NIBAN1: variants seen among roughly 807,000 people sequenced by gnomAD.
NIBAN1 encodes the protein niban apoptosis regulator 1.
Under a neutral mutation model 75.1 loss-of-function variants are expected in NIBAN1, and 81 were observed. The ratio of observed to expected loss-of-function variants is 1.08; its 90% confidence interval spans 0.90 to 1.30. NIBAN1 has a LOEUF of 1.30. Ranked by LOEUF, NIBAN1 falls within the 50% of genes most tolerant of loss-of-function variation. The pLI is 0.00. For missense variants in NIBAN1, 1,133 were observed against 1,128.1 expected (o/e 1.00, Z -0.06); for synonymous variants, 436 against 424.8 (o/e 1.03, Z -0.32).
intron 8 of NIBAN1, among the ~76,000 whole-genome samples, chr1:184,820,520 C>A (rs1654666680): frequency 6.6e-6 from 1 of 152,256 alleles, no homozygotes; most frequent in South Asian, 2.1e-4. Context: ...GGAACTCCCA[C>A]ACAGCTTCCT....
chr1:184,892,320 A>C (rs1656688813), intron 3 of NIBAN1, among the ~76,000 whole-genome samples: 1 of 152,168 alleles, frequency 6.6e-6, no homozygotes, highest in Non-Finnish European at 1.5e-5. Context: ...ACTGAGGCTC[A>C]AGATTTATAG....
At position 184,884,215 on chromosome 1, in the gene NIBAN1, C is replaced by CT. The variant is rs11334000; in HGVS notation, c.601+417dup. Among the ~76,000 whole-genome samples, 333 of 66,836 alleles carry CT rather than the reference C, an allele frequency of 5.0e-3. 17 individuals are homozygous for CT. The highest frequency in any genetic ancestry group is 6.4e-3 in the African/African-American group (88 of 13,778). 43.8% of individuals were successfully genotyped at this position (66,836 alleles called of 152,430 possible). ...TCCCTGGGCAGCACCATCTGTGGCT[C>CT]TTTTTTTTTTTTTTTTTTTTTTTTT... On this transcript the variant is annotated intron_variant, in intron 5 of 13. Transcript: ENST00000367511.
intron 5 of NIBAN1, among the ~76,000 whole-genome samples, chr1:184,865,261 T>C (rs1000389156): frequency 3.9e-5 from 6 of 152,128 alleles, no homozygotes; most frequent in Non-Finnish European, 8.8e-5. Flanking sequence ...ATATACACAA[T>C]GGGATACTAC....
intron 6 of NIBAN1, among the ~76,000 whole-genome samples, chr1:184,828,681 C>G (rs1654912994): frequency 6.6e-6 from 1 of 152,222 alleles, no homozygotes; most frequent in Non-Finnish European, 1.5e-5. Flanking sequence ...CTTCAGCCAA[C>G]TGCTCTGAAT....
intron 5 of NIBAN1, among the ~76,000 whole-genome samples, chr1:184,836,224 G>C (rs1483910946): frequency 1.3e-5 from 2 of 152,134 alleles, no homozygotes; most frequent in African/African-American, 4.8e-5. Context: ...GATGGAAACT[G>C]TAATTATTAC....
Position 184,882,390 on chromosome 1 carries a change from G to T in NIBAN1, c.601+2243C>A, listed in dbSNP as rs188176744. On this transcript the variant is annotated intron_variant, in intron 5 of 13. Coordinates refer to ENST00000367511, the MANE Select transcript of NIBAN1 (RefSeq NM_052966.4). Reference sequence around the variant, plus strand: ...AAAAGAGGCGAGAAAAGAAAGGTCTGCTCCTTGGCCCATGATAGTCAAGGA... The same window carrying T: ...AAAAGAGGCGAGAAAAGAAAGGTCTTCTCCTTGGCCCATGATAGTCAAGGA... Among the ~76,000 whole-genome samples the T allele has an allele frequency of 5.3e-5, 8 of 152,292 alleles. No individual in the cohort carries two copies. The East Asian group carries it at 1.5e-3, about 29-fold the overall frequency.
At chr1:184,930,226 C>T (rs548088933) in intron 1 of NIBAN1, among the ~76,000 whole-genome samples, 1 of 152,180 alleles carries the variant, frequency 6.6e-6, no homozygotes, top group Admixed American at 6.5e-5. Flanking sequence ...GGATAGGGTA[C>T]GACTCAAATC....
chr1:184,881,037 C>T (rs945373287), intron 5 of NIBAN1, among the ~76,000 whole-genome samples: 2 of 152,034 alleles, frequency 1.3e-5, no homozygotes, highest in Non-Finnish European at 2.9e-5. Context: ...CTTATGCCTG[C>T]CCAATGAAGA....
chr1:184,806,050 C>A lies in NIBAN1; in HGVS notation c.1342G>T (p.Glu448Ter), dbSNP rs760447281. 3 of 1,613,520 alleles carry A rather than the reference C, an allele frequency of 1.9e-6. No homozygotes were observed. The highest frequency in any genetic ancestry group is 2.5e-6 in the Non-Finnish European group (3 of 1,179,752). Reference sequence around the variant, plus strand: ...TGCTCAAAAGTGAACACTGCATTCTCCATTAGCTAGAAACCAGAAGCGACA... The same window carrying A: ...TGCTCAAAAGTGAACACTGCATTCTACATTAGCTAGAAACCAGAAGCGACA... ...RTQNYMQELM[E>*]NAVFTFEQLL... Residue 448 changes from glutamate to a stop codon, truncating the protein, a stop_gained, in exon 11 of 14, where the codon GAG (glutamate) becomes TAG (stop). Transcript: ENST00000367511. LOFTEE classifies it high-confidence loss of function.
In NIBAN1 at chr1:184,845,711, A is replaced by G. The variant is rs563269411; in HGVS notation, c.602-13749T>C. Among the ~76,000 whole-genome samples, 96 of 59,546 alleles carry G rather than the reference A, an allele frequency of 1.6e-3. 34 individuals carry two copies. The highest frequency in any genetic ancestry group is 1.9e-3 in the Non-Finnish European group (57 of 29,332). The allele number at this position is 59,546 out of a possible 152,430, so 39.1% of individuals were successfully genotyped here. On this transcript the variant is annotated intron_variant, in intron 5 of 13. Transcript: ENST00000367511. The stretch of plus-strand genomic sequence containing the variant: ...TGATTTCTGCATTTCCATCTGAGGT[A>G]CCGGGTTCATCTCACTAGGGAGTGC...
At chr1:184,812,745 G>A (rs776090801) in intron 9 of NIBAN1, among the ~76,000 whole-genome samples, 1 of 152,234 alleles carries the variant, frequency 6.6e-6, no homozygotes, top group Non-Finnish European at 1.5e-5. Flanking sequence ...GGGAAGGGCA[G>A]TAGAGATTGC....
chr1:184,974,114 G>C (rs1427344270), intron 1 of NIBAN1, among the ~76,000 whole-genome samples, 188 bp downstream of exon 1: 2 of 152,094 alleles, frequency 1.3e-5, no homozygotes, highest in Non-Finnish European at 2.9e-5. Flanking sequence ...CCCGGTCCCC[G>C]GTCCACACCC....
chr1:184,894,856 C>T (rs1656759783), intron 2 of NIBAN1, among the ~76,000 whole-genome samples: 1 of 152,146 alleles, frequency 6.6e-6, no homozygotes, highest in South Asian at 2.1e-4. Context: ...ATGTGCTGTG[C>T]GGGCATTTCC....
intron 9 of NIBAN1, among the ~76,000 whole-genome samples, 200 bp downstream of exon 9, chr1:184,818,438 T>C (rs1034947651): frequency 3.9e-5 from 6 of 151,916 alleles, no homozygotes; most frequent in African/African-American, 1.5e-4. Context: ...AGTAAAACTA[T>C]CAGATGGGTG....
chr1:184,888,465 C>A (rs139867658), intron 4 of NIBAN1, among the ~76,000 whole-genome samples: 1,535 of 152,258 alleles, frequency 0.01, 26 homozygotes, highest in African/African-American at 0.034. Flanking sequence ...TCCTTTTAGC[C>A]TCTAGTTATC....
intron 2 of NIBAN1, among the ~76,000 whole-genome samples, chr1:184,895,945 T>C (rs10737255): frequency 0.58 from 88,068 of 151,988 alleles, 26,698 homozygotes; most frequent in African/African-American, 0.77. Context: ...ACCACATTTT[T>C]TTTATCCAAT....
intron 2 of NIBAN1, among the ~76,000 whole-genome samples, chr1:184,897,279 T>G (rs1421745331): frequency 2.1e-5 from 1 of 47,328 alleles, no homozygotes; most frequent in Non-Finnish European, 4.3e-5. Context: ...TACTCCTAAG[T>G]GTGTGTGTGT....
intron 1 of NIBAN1, among the ~76,000 whole-genome samples, chr1:184,910,921 C>T (rs1657224456): frequency 6.6e-6 from 1 of 152,186 alleles, no homozygotes; most frequent in Non-Finnish European, 1.5e-5. Flanking sequence ...TGCACTGGAG[C>T]ATGGGTTCTT....
chr1:184,901,302 T>TA (rs1248940053), intron 1 of NIBAN1, among the ~76,000 whole-genome samples: 1 of 152,190 alleles, frequency 6.6e-6, no homozygotes, highest in Non-Finnish European at 1.5e-5. Context: ...GAAATGCAAA[T>TA]AAAAGCTCCT....
Sources: gnomAD v4.1 joint callset for allele counts (sites outside exome capture counted in the v4.1 genomes callset) on GRCh38, gnomAD v4.1.1 for gene constraint, MANE v1.5 for transcripts, NCBI Gene and HGNC (gene_info 2026-07-23, HGNC 2026-07-21) for gene names.